The following GPD2 variants were observed in gnomAD, a reference collection of about 807,000 sequenced individuals.
GPD2 encodes glycerol-3-phosphate dehydrogenase, mitochondrial.
A neutral mutation model predicts 82.4 loss-of-function variants in GPD2; 54 were observed. The ratio of observed to expected loss-of-function variants is 0.66; its 90% CI spans 0.53 to 0.82. The LOEUF (loss-of-function observed/expected upper bound fraction) is 0.82, where lower values mean the gene tolerates loss of function less well. GPD2 is among the 40% of genes least tolerant of loss of function. The probability of loss-of-function intolerance (pLI) is 0.00; values close to 1 mark genes in which losing one functional copy is unlikely to be tolerated. For missense variants in GPD2, 748 were observed against 896.2 expected (o/e 0.83, Z 2.11); for synonymous variants, 288 against 306.1 (o/e 0.94, Z 0.62).
intron 1 of GPD2, among the ~76,000 whole-genome samples, chr2:156,454,545 A>G (rs1252423749): frequency 1.3e-5 from 2 of 152,178 alleles, no homozygotes; most frequent in Non-Finnish European, 2.9e-5. Flanking sequence ...GATATGGGAA[A>G]ATAGTGTTAT....
chr2:156,485,610 A>G (rs1367250540), intron 2 of GPD2, among the ~76,000 whole-genome samples: 2 of 152,222 alleles, frequency 1.3e-5, no homozygotes, highest in Non-Finnish European at 2.9e-5. Context: ...ACCAATCCTC[A>G]AAGCTCAGTG....
the GPD2 span, among the ~76,000 whole-genome samples, chr2:156,411,074 C>T: frequency 1.3e-5 from 2 of 152,118 alleles, no homozygotes; most frequent in African/African-American, 2.4e-5. Flanking sequence ...TTATAAGAAA[C>T]TAGATGTTGT....
rs373894716 is a variant in GPD2, at chr2:156,551,807, T to C, written c.971+1061T>C. Among the ~76,000 whole-genome samples, 6 of 152,332 alleles carry C rather than the reference T, an allele frequency of 3.9e-5. No homozygotes were observed. The South Asian group carries it at 1.0e-3, about 26-fold the overall frequency. On this transcript the variant is annotated intron_variant, in intron 8 of 16. Transcript: ENST00000438166. ...TTGATATTTTATGTGCTGTAGGTTC[T>C]AACAATGTATATAGAAAAAGACTGG... is the stretch of plus-strand genomic sequence containing the variant.
intron 9 of GPD2, 48 bp downstream of exon 9, chr2:156,557,630 AAGCCATTCC>A (rs1178678782): frequency 2.0e-6 from 2 of 1,013,154 alleles, no homozygotes; most frequent in Admixed American, 3.4e-5. Context: ...CATATCTCCC[AAGCCATTCC>A]AGCTCTCACT....
the GPD2 span, among the ~76,000 whole-genome samples, chr2:156,413,022 T>C: frequency 6.7e-6 from 1 of 150,332 alleles, no homozygotes; most frequent in Non-Finnish European, 1.5e-5. Flanking sequence ...ACATGAGCCC[T>C]GGAGGTTGAG....
chr2:156,454,307 A>G (rs1682716101), intron 1 of GPD2, among the ~76,000 whole-genome samples: 1 of 152,136 alleles, frequency 6.6e-6, no homozygotes, highest in South Asian at 2.1e-4. Context: ...GTATTTTGAT[A>G]CTTTAGCAAC....
intron 3 of GPD2, among the ~76,000 whole-genome samples, chr2:156,510,284 T>C (rs1684949078): frequency 6.6e-6 from 1 of 152,160 alleles, no homozygotes; most frequent in Non-Finnish European, 1.5e-5. Context: ...CCATTGTATA[T>C]CTACCATAAT....
At chr2:156,459,666 G>A (rs1437903522) in intron 1 of GPD2, among the ~76,000 whole-genome samples, 22 of 99,314 alleles carry the variant, frequency 2.2e-4, no homozygotes, top group East Asian at 3.6e-4. Flanking sequence ...CTAGCCTGGC[G>A]ACAGAGCAAG....
chr2:156,445,339 T>G (rs1682334001), intron 1 of GPD2, among the ~76,000 whole-genome samples: 1 of 152,244 alleles, frequency 6.6e-6, no homozygotes, highest in South Asian at 2.1e-4. Context: ...AATCGAGAGA[T>G]AATCCTATTC....
At chr2:156,465,926 C>T (rs1382340389) in intron 1 of GPD2, among the ~76,000 whole-genome samples, 1 of 152,180 alleles carries the variant, frequency 6.6e-6, no homozygotes, top group Non-Finnish European at 1.5e-5. Context: ...GTTGTGCTAT[C>T]TCCTTTTCAT....
At chr2:156,502,901 T>A (rs978323634) in intron 3 of GPD2, among the ~76,000 whole-genome samples, 2 of 152,198 alleles carry the variant, frequency 1.3e-5, no homozygotes, top group Non-Finnish European at 2.9e-5. Context: ...GTATTTTTTT[T>A]AATCTTTCAT....
intron 1 of GPD2, among the ~76,000 whole-genome samples, chr2:156,449,253 G>T (rs1682469873): frequency 6.6e-6 from 1 of 152,060 alleles, no homozygotes; most frequent in Non-Finnish European, 1.5e-5. Context: ...TGAAGGGCTG[G>T]ATCCTATAGG....
At chr2:156,559,712 T>G (rs1409753284) in intron 9 of GPD2, among the ~76,000 whole-genome samples, 1 of 152,200 alleles carries the variant, frequency 6.6e-6, no homozygotes, top group Non-Finnish European at 1.5e-5. Flanking sequence ...AATAATAGTA[T>G]AAAAGATACT....
intron 1 of GPD2, among the ~76,000 whole-genome samples, chr2:156,465,619 C>CT (rs1683127935): frequency 6.6e-6 from 1 of 152,074 alleles, no homozygotes. Context: ...CTGGGTTTCT[C>CT]TGAGTCTGGG....
chr2:156,448,119 CTT>C (rs34771172), intron 1 of GPD2, among the ~76,000 whole-genome samples: 18 of 145,870 alleles, frequency 1.2e-4, no homozygotes, highest in Admixed American at 2.7e-4. Context: ...GCAATTTTCC[CTT>C]TTTTTTTTTT....
At chr2:156,493,949 T>TGA (rs1684276124) in intron 2 of GPD2, among the ~76,000 whole-genome samples, 1 of 110,986 alleles carries the variant, frequency 9.0e-6, no homozygotes, top group Non-Finnish European at 2.0e-5. Context: ...TGTGTGTGTG[T>TGA]GTGTGTGTGT....
chr2:156,435,439 CG>C (rs1411254966), upstream of GPD2: 3 of 149,674 alleles, frequency 2.0e-5, no homozygotes, highest in African/African-American at 4.9e-5. Context: ...TGGGCAGGGT[CG>C]TTTTTTTTTT....
At chr2:156,451,754 C>G (rs897471452) in intron 1 of GPD2, among the ~76,000 whole-genome samples, 5 of 150,532 alleles carry the variant, frequency 3.3e-5, no homozygotes, top group African/African-American at 1.2e-4. Flanking sequence ...CTGACCCCCC[C>G]ACCTCCCTCC....
At chr2:156,452,001 C>T (rs375015951) in intron 1 of GPD2, among the ~76,000 whole-genome samples, 13 of 151,896 alleles carry the variant, frequency 8.6e-5, no homozygotes, top group African/African-American at 3.1e-4. Flanking sequence ...CGATGGGCGG[C>T]CGGGCAGAGA....
Sources: allele counts gnomAD v4.1 joint callset (sites outside exome capture counted in the v4.1 genomes callset), GRCh38; gene constraint gnomAD v4.1.1; transcripts MANE v1.5; gene names NCBI Gene and HGNC (gene_info 2026-07-23, HGNC 2026-07-21).